Variants in GGNBP2 observed in about 807,000 individuals in gnomAD.
The protein encoded by GGNBP2 is gametogenetin-binding protein 2.
GGNBP2 carries 10 observed loss-of-function variants against 85.9 expected under a neutral mutation model. The ratio of observed to expected loss-of-function variants is 0.12; its 90% CI spans 0.07 to 0.20. The LOEUF (loss-of-function observed/expected upper bound fraction) is 0.20, where lower values mean the gene tolerates loss of function less well. GGNBP2 is among the 10% of genes least tolerant of loss of function. The pLI, the probability that GGNBP2 is intolerant of heterozygous loss-of-function variation, is 1.00. For missense variants in GGNBP2, 595 were observed against 857.8 expected, an observed-to-expected ratio of 0.69 and a Z score of 3.83; for synonymous variants, 287 against 285.7, an observed-to-expected ratio of 1.00 and a Z score of -0.05.
At chr17:36,554,517 G>A (rs906087616) in intron 2 of GGNBP2, among the ~76,000 whole-genome samples, 4 of 151,566 alleles carry the variant, frequency 2.6e-5, no homozygotes, top group African/African-American at 4.9e-5. Flanking sequence ...ACAGGCATGC[G>A]CCACCAAACC....
At chr17:36,545,547 G>T (rs1019270460) in intron 1 of GGNBP2, 72 bp from the exon 2 acceptor site, 6 of 570,556 alleles carry the variant, frequency 1.1e-5, no homozygotes, top group African/African-American at 1.9e-5. Context: ...CTCCCGCTCC[G>T]CTCCCTGCCC....
intron 7 of GGNBP2, 85 bp from the exon 8 acceptor site, chr17:36,579,160 G>A: frequency 2.6e-6 from 3 of 1,171,222 alleles, no homozygotes; most frequent in Admixed American, 1.9e-5. Flanking sequence ...AGCACATTGT[G>A]TTTAAAACCT....
intron 1 of GGNBP2, 186 bp from the exon 2 acceptor site, chr17:36,545,433 G>A: frequency 2.6e-6 from 1 of 381,804 alleles, no homozygotes; most frequent in Non-Finnish European, 4.7e-6. Context: ...GAGAGAGGGA[G>A]GGAGCGCGGC....
At position 36,579,231 on chromosome 17, in the gene GGNBP2, A is replaced by T. The variant is rs2074621015; in HGVS notation, c.846-14A>T. ...CAGTTAAAGGTATTAGTGTGTGATT[A>T]TTCCCTTTTATAGGCGAAGAGAAAG... On this transcript the variant is annotated splice_polypyrimidine_tract_variant and intron_variant, in intron 7 of 13. Coordinates refer to ENST00000613102, the MANE Select transcript of GGNBP2 (RefSeq NM_024835.5). The T allele has an allele frequency of 6.2e-7, 1 of 1,610,618 alleles. No individual in the cohort carries two copies. Among genetic ancestry groups the T allele is most frequent in the Non-Finnish European group, 8.5e-7 (1 of 1,177,180 alleles).
chr17:36,586,937 AAG>A, intron 12 of GGNBP2, 58 bp from the exon 13 acceptor site: 7 of 1,414,938 alleles, frequency 4.9e-6, no homozygotes, highest in Non-Finnish European at 6.7e-6. Context: ...TTTTTTTTTA[AAG>A]AATAATTGCT....
intron 2 of GGNBP2, among the ~76,000 whole-genome samples, chr17:36,550,272 C>T (rs1362767681): frequency 6.6e-6 from 1 of 152,030 alleles, no homozygotes; most frequent in Non-Finnish European, 1.5e-5. Context: ...GTTTACTCTC[C>T]TAATTTAAAC....
intron 8 of GGNBP2, among the ~76,000 whole-genome samples, chr17:36,580,126 C>T (rs1271899996): frequency 3.9e-5 from 6 of 152,076 alleles, no homozygotes; most frequent in Non-Finnish European, 5.9e-5. Flanking sequence ...TTCATTTTGC[C>T]TGCTAATGTC....
At chr17:36,561,015 CTT>C (rs2074411455) in intron 5 of GGNBP2, 144 bp downstream of exon 5, 3 of 477,040 alleles carry the variant, frequency 6.3e-6, no homozygotes, top group South Asian at 4.9e-5. Flanking sequence ...AATAGATCCT[CTT>C]GTTATGTTGG....
At chr17:36,581,568 G>T in intron 9 of GGNBP2, 30 bp downstream of exon 9, 1 of 1,515,544 alleles carries the variant, frequency 6.6e-7, no homozygotes, top group Non-Finnish European at 9.1e-7. Context: ...ACTCTTAAGT[G>T]TGTATGTATT....
chr17:36,575,452 T>A (rs765538637), intron 6 of GGNBP2: 3 of 164,468 alleles, frequency 1.8e-5, no homozygotes, highest in African/African-American at 2.4e-5. Flanking sequence ...TCTTCTAGTT[T>A]TATGGTTTTC....
chr17:36,569,949 G>A (rs1456656232), intron 6 of GGNBP2, among the ~76,000 whole-genome samples: 2 of 152,226 alleles, frequency 1.3e-5, no homozygotes, highest in Admixed American at 6.5e-5. Context: ...TAACGGTTGT[G>A]AGAAAGTATG....
chr17:36,571,230 C>A (rs1324938403), intron 6 of GGNBP2, among the ~76,000 whole-genome samples: 1 of 151,990 alleles, frequency 6.6e-6, no homozygotes, highest in Non-Finnish European at 1.5e-5. Context: ...TTCAGGAGTT[C>A]AATACCAGCT....
intron 5 of GGNBP2, among the ~76,000 whole-genome samples, chr17:36,566,572 G>A (rs752194897): frequency 9.9e-5 from 15 of 151,958 alleles, no homozygotes; most frequent in Non-Finnish European, 1.6e-4. Flanking sequence ...CTAGCTATTC[G>A]GGAGGCTGAG....
intron 4 of GGNBP2, among the ~76,000 whole-genome samples, chr17:36,557,835 C>T (rs1297907376): frequency 2.0e-5 from 3 of 152,048 alleles, no homozygotes; most frequent in East Asian, 1.9e-4. Flanking sequence ...GTAATAAGGC[C>T]GGGCGCGGTG....
At chr17:36,575,696 G>C (rs1218836634) in intron 6 of GGNBP2, among the ~76,000 whole-genome samples, 1 of 134,538 alleles carries the variant, frequency 7.4e-6, no homozygotes, top group Non-Finnish European at 1.5e-5. Context: ...ATGCAGGCTG[G>C]AGTGCAGTGG....
In GGNBP2 at chr17:36,544,946, G is replaced by A. The variant is rs543118494; in HGVS notation, c.-258G>A. The A allele has an allele frequency of 1.3e-5, 2 of 150,940 alleles. No homozygotes were observed. The highest frequency in any genetic ancestry group is 2.4e-5 in the African/African-American group (1 of 40,938). The allele number at this position is 150,940 out of a possible 1,614,324, so 9.4% of individuals were successfully genotyped here. A position where few individuals can be genotyped will look rare whatever the true frequency, so the allele number is the denominator to read the frequency against. On this transcript the variant is annotated 5_prime_UTR_variant, in exon 1 of 14. Transcript: ENST00000613102. ...CTCCCCGCGGCGCGAGCGGCTGACT[G>A]CCCGTAGAGGAAACGACATTCGGAG...
Position 36,545,781 on chromosome 17 carries a change from G to A in GGNBP2, c.57G>A (p.Arg19=). 6.3e-7 allele frequency: 1 copy of A among 1,580,144 alleles called. No individual in the cohort carries two copies. Among genetic ancestry groups the A allele is most frequent in the Non-Finnish European group, 8.6e-7 (1 of 1,163,560 alleles). Residue 19 remains arginine (R), a synonymous_variant, in exon 2 of 14, where the codon AGG becomes AGA. Transcript: ENST00000613102. ...RDGEEEFPFE[R]RQIPLYIDDT... is the part of the protein sequence containing the mutation. ...GGGAGGAGGAGTTCCCCTTCGAGAGGAGGCAGATTCCCCTCTACATAGACG... is the reference window on the plus strand; with the variant it reads ...GGGAGGAGGAGTTCCCCTTCGAGAGAAGGCAGATTCCCCTCTACATAGACG...
intron 12 of GGNBP2, 80 bp downstream of exon 12, chr17:36,586,278 A>C: frequency 6.6e-7 from 1 of 1,506,230 alleles, no homozygotes; most frequent in Non-Finnish European, 8.8e-7. Context: ...GCATATGTGC[A>C]GCTTAGCTGC....
intron 13 of GGNBP2, 88 bp downstream of exon 13, chr17:36,587,333 G>A: frequency 7.5e-7 from 1 of 1,329,772 alleles, no homozygotes; most frequent in Non-Finnish European, 1.1e-6. Flanking sequence ...CTTAAGGTAG[G>A]TAGTTGAAGG....
Sources: allele counts gnomAD v4.1 joint callset (sites outside exome capture counted in the v4.1 genomes callset), GRCh38; gene constraint gnomAD v4.1.1; transcripts MANE v1.5; gene names NCBI Gene and HGNC (gene_info 2026-07-23, HGNC 2026-07-21).